ATE1: variants seen among roughly 807,000 people sequenced by gnomAD.
ATE1 encodes arginyl-tRNA--protein transferase 1.
ATE1 carries 36 observed loss-of-function variants against 70.5 expected under a neutral mutation model. The observed-to-expected ratio is 0.51, with a 90% CI of 0.39 to 0.67. The LOEUF is 0.67. ATE1 is among the 30% of genes least tolerant of loss of function. The pLI is 0.00. For synonymous variants in ATE1, 232 were observed against 219.3 expected (o/e 1.06, Z -0.51); for missense variants, 593 against 629.5 (o/e 0.94, Z 0.62).
Position 121,880,271 on chromosome 10 carries a change from T to C in ATE1, c.943-10233A>G, listed in dbSNP as rs185024063. Among the ~76,000 whole-genome samples the C allele has an allele frequency of 9.9e-4, 150 of 152,094 alleles. 1 individual carries two copies. The highest frequency in any genetic ancestry group is 3.5e-3 in the African/African-American group (145 of 41,376). The stretch of plus-strand genomic sequence containing the variant: ...ATACGCCCACATCTTGTCAGGTACA[T>C]GTATTACTAATGATCTTTAACATTT... On this transcript the variant is annotated intron_variant, in intron 7 of 11. Transcript: ENST00000224652.
intron 11 of ATE1, among the ~76,000 whole-genome samples, chr10:121,757,664 C>G (rs1320196815): frequency 6.6e-6 from 1 of 152,200 alleles, no homozygotes; most frequent in East Asian, 1.9e-4. Context: ...TTAAAACCAT[C>G]AGATTTTGTG....
intron 7 of ATE1, among the ~76,000 whole-genome samples, chr10:121,890,760 T>C (rs1316847618): frequency 2.0e-5 from 3 of 152,168 alleles, no homozygotes; most frequent in African/African-American, 7.2e-5. Flanking sequence ...TTCTATCACA[T>C]AGAATTACTG....
intron 11 of ATE1, among the ~76,000 whole-genome samples, chr10:121,759,956 T>A (rs1384938301): frequency 6.6e-6 from 1 of 151,982 alleles, no homozygotes; most frequent in Non-Finnish European, 1.5e-5. Flanking sequence ...AACACAAGGG[T>A]CCTTAAGAAT....
intron 11 of ATE1, among the ~76,000 whole-genome samples, chr10:121,745,710 G>A (rs1478899797): frequency 6.8e-6 from 1 of 147,456 alleles, no homozygotes; most frequent in South Asian, 2.3e-4. Flanking sequence ...CTGGGCGACA[G>A]AGCAAGACTC....
chr10:121,884,670 T>C (rs1033543181), intron 7 of ATE1, among the ~76,000 whole-genome samples: 3 of 152,156 alleles, frequency 2.0e-5, no homozygotes, highest in African/African-American at 4.8e-5. Flanking sequence ...ATGTTCCCAG[T>C]GCTAGTTTTG....
intron 10 of ATE1, among the ~76,000 whole-genome samples, chr10:121,802,767 C>CT (rs1163166264): frequency 1.3e-5 from 2 of 152,180 alleles, no homozygotes; most frequent in Admixed American, 1.3e-4. Flanking sequence ...TATTAAATGC[C>CT]TACCGTCTTC....
chr10:121,827,294 G>T (rs536760267), intron 10 of ATE1, among the ~76,000 whole-genome samples: 1 of 152,292 alleles, frequency 6.6e-6, no homozygotes, highest in South Asian at 2.1e-4. Context: ...TTACAGGCAT[G>T]AGCCACTGTG....
chr10:121,795,319 T>C (rs1235749273), intron 10 of ATE1, among the ~76,000 whole-genome samples: 2 of 152,168 alleles, frequency 1.3e-5, no homozygotes, highest in East Asian at 3.8e-4. Flanking sequence ...ATCCTCACTA[T>C]GTAACAGGCA....
At chr10:121,750,414 C>T (rs1944532669) in intron 11 of ATE1, among the ~76,000 whole-genome samples, 2 of 152,192 alleles carry the variant, frequency 1.3e-5, no homozygotes, top group South Asian at 4.1e-4. Flanking sequence ...CAATAACAAC[C>T]AAAGGCAATC....
chr10:121,830,313 G>GT (rs1948188253), intron 10 of ATE1, among the ~76,000 whole-genome samples: 1 of 152,238 alleles, frequency 6.6e-6, no homozygotes, highest in East Asian at 1.9e-4. Context: ...TCTAGTGGGA[G>GT]TGAGTAGGTT....
chr10:121,821,816 G>C (rs1209161465), intron 10 of ATE1, among the ~76,000 whole-genome samples: 1 of 152,178 alleles, frequency 6.6e-6, no homozygotes, highest in Non-Finnish European at 1.5e-5. Context: ...GGGAGGCAGA[G>C]GATGCAGTGA....
At chr10:121,912,172 G>A (rs545249624) in intron 4 of ATE1, among the ~76,000 whole-genome samples, 2 of 152,154 alleles carry the variant, frequency 1.3e-5, no homozygotes, top group Non-Finnish European at 2.9e-5. Flanking sequence ...CTACAGGTGT[G>A]AGCCACCACA....
intron 11 of ATE1, among the ~76,000 whole-genome samples, chr10:121,760,346 G>C (rs749935821): frequency 1.3e-5 from 2 of 152,200 alleles, no homozygotes; most frequent in African/African-American, 2.4e-5. Context: ...AAACCTTCTG[G>C]AAAGGATCCA....
chr10:121,756,373 T>C (rs1944801904), intron 11 of ATE1, among the ~76,000 whole-genome samples: 1 of 152,202 alleles, frequency 6.6e-6, no homozygotes, highest in Admixed American at 6.5e-5. Context: ...CAGTGCAGGC[T>C]GTTGGTAGAT....
intron 11 of ATE1, among the ~76,000 whole-genome samples, chr10:121,756,942 C>T (rs1488654832): frequency 6.6e-6 from 1 of 152,232 alleles, no homozygotes; most frequent in Admixed American, 6.5e-5. Flanking sequence ...CTGCAAGCAG[C>T]TTGAATTCTC....
At position 121,875,001 on chromosome 10, in the gene ATE1, A is replaced by AG. The variant is rs1365261068; in HGVS notation, c.943-4964_943-4963insC. Among the ~76,000 whole-genome samples the AG allele has an allele frequency of 2.2e-4, 10 of 46,288 alleles. No homozygotes were observed. The East Asian group carries it at 7.6e-3, about 35-fold the overall frequency. 30.4% of individuals were successfully genotyped at this position (46,288 alleles called of 152,430 possible). A position where few individuals can be genotyped will look rare whatever the true frequency, so the allele number is the denominator to read the frequency against. The stretch of plus-strand genomic sequence containing the variant: ...TAAAAGAAAAAAAAAAAAAATACAA[A>AG]AATTAGCCGGGCACGTAGTCCCAGC... On this transcript the variant is annotated intron_variant, in intron 7 of 11. Coordinates refer to ENST00000224652, the MANE Select transcript of ATE1 (RefSeq NM_001001976.3).
rs66781912 is a variant in ATE1, at chr10:121,786,202, G to GTTT, written c.1378+3964_1378+3966dup. 1.5e-3 allele frequency among the ~76,000 whole-genome samples: 129 copies of GTTT among 84,516 alleles called. 8 individuals carry two copies. The East Asian group carries it at 0.032, about 21-fold the overall frequency. 55.4% of individuals were successfully genotyped at this position (84,516 alleles called of 152,430 possible). On this transcript the variant is annotated intron_variant, in intron 11 of 11. Transcript: ENST00000224652. ...TGGGAAACAGCACATGCTCAAGAAA[G>GTTT]TTTTTTTTTTTTTTTTTTTTTTTTT... is the stretch of plus-strand genomic sequence containing the variant.
At chr10:121,828,237 G>C (rs1206501830) in intron 10 of ATE1, among the ~76,000 whole-genome samples, 1 of 152,196 alleles carries the variant, frequency 6.6e-6, no homozygotes, top group Non-Finnish European at 1.5e-5. Flanking sequence ...TTCAAGACAT[G>C]AGTGTGCACA....
chr10:121,812,098 G>T (rs1296867838), intron 10 of ATE1, among the ~76,000 whole-genome samples: 2 of 151,836 alleles, frequency 1.3e-5, no homozygotes, highest in Non-Finnish European at 2.9e-5. Flanking sequence ...TGGGACTACA[G>T]GCATGAGACA....
Sources: allele counts gnomAD v4.1 joint callset (sites outside exome capture counted in the v4.1 genomes callset), GRCh38; gene constraint gnomAD v4.1.1; transcripts MANE v1.5; gene names NCBI Gene and HGNC (gene_info 2026-07-23, HGNC 2026-07-21).